TTC13: variants seen among roughly 807,000 people sequenced by gnomAD.
The protein encoded by TTC13 is tetratricopeptide repeat domain 13.
A neutral mutation model predicts 120.0 loss-of-function variants in TTC13; 62 were observed. That is an observed-to-expected ratio of 0.52 (90% CI 0.42 to 0.64). The LOEUF (loss-of-function observed/expected upper bound fraction) is 0.64, where lower values mean the gene tolerates loss of function less well. Ranked by LOEUF, TTC13 falls within the 30% of genes least tolerant of loss-of-function variation. The probability of loss-of-function intolerance (pLI) is 0.00; values close to 1 mark genes in which losing one functional copy is unlikely to be tolerated. For missense variants in TTC13, 824 were observed against 1,050.2 expected (o/e 0.78, Z 2.98); for synonymous variants, 384 against 393.5 (o/e 0.98, Z 0.28).
chr1:230,977,090 T>C (rs1346973943), intron 1 of TTC13, among the ~76,000 whole-genome samples: 1 of 152,226 alleles, frequency 6.6e-6, no homozygotes, highest in African/African-American at 2.4e-5. Context: ...CTTTGGCAGC[T>C]GTGGGATCTC....
intron 1 of TTC13, among the ~76,000 whole-genome samples, chr1:230,970,576 G>A (rs1677633870): frequency 6.6e-6 from 1 of 152,224 alleles, no homozygotes; most frequent in African/African-American, 2.4e-5. Flanking sequence ...CTGCGGGCAG[G>A]CCAGTAGCTG....
At chr1:230,975,981 G>A (rs1049294633) in intron 1 of TTC13, among the ~76,000 whole-genome samples, 9 of 152,200 alleles carry the variant, frequency 5.9e-5, no homozygotes, top group Non-Finnish European at 1.3e-4. Flanking sequence ...CTGTCTCAAG[G>A]GAATACATAT....
intron 1 of TTC13, among the ~76,000 whole-genome samples, chr1:230,970,934 G>A (rs1677670043): frequency 6.6e-6 from 1 of 152,180 alleles, no homozygotes; most frequent in African/African-American, 2.4e-5. Context: ...CAGGTATAGG[G>A]TAAACCTGCG....
At position 230,958,284 on chromosome 1, in the gene TTC13, T is replaced by G; in HGVS notation, c.382A>C (p.Ile128Leu). 1 of 1,603,312 alleles carries G rather than the reference T, an allele frequency of 6.2e-7. No individual in the cohort carries two copies. Among genetic ancestry groups the G allele is most frequent in the Non-Finnish European group, 8.5e-7 (1 of 1,177,552 alleles). The change falls in exon 3 of 23, where the codon ATT (isoleucine) becomes CTT (leucine). Residue 128 changes from isoleucine (I) to leucine (L), a missense_variant. Around this residue, in one of 4 missense-constraint regions of TTC13, gnomAD observed 430 missense variants for 626.8 expected, o/e 0.69. Transcript: ENST00000366661. ...AACGGGAATCTCTTCTGTTCTGCAA[T>G]AGACTTGGCCTGGCTCTGGGAAAAA... ...TEKILSQAKS[I>L]AEQKRFPFAT...
intron 16 of TTC13, 29 bp downstream of exon 16, chr1:230,921,392 T>A (rs755719164): frequency 8.1e-6 from 10 of 1,236,634 alleles, no homozygotes; most frequent in Non-Finnish European, 1.2e-5. Flanking sequence ...ATCAACTCAT[T>A]ACTAAGAAGG....
intron 5 of TTC13, 45 bp downstream of exon 5, chr1:230,945,344 C>G (rs1674885584): frequency 1.3e-6 from 2 of 1,548,962 alleles, no homozygotes; most frequent in Non-Finnish European, 1.8e-6. Context: ...TGGTCTGTGT[C>G]AGGTCATGTA....
chr1:230,919,552 A>G (rs1039189219), intron 17 of TTC13, among the ~76,000 whole-genome samples: 1 of 152,256 alleles, frequency 6.6e-6, no homozygotes, highest in Non-Finnish European at 1.5e-5. Context: ...TTACTTCTCT[A>G]GTAATTAAAG....
intron 4 of TTC13, among the ~76,000 whole-genome samples, chr1:230,947,106 A>G (rs1675073594): frequency 1.3e-5 from 2 of 152,144 alleles, no homozygotes; most frequent in Admixed American, 1.3e-4. Context: ...AGAAAAAAGT[A>G]TGTTTTAAGT....
chr1:230,907,491 T>C (rs1331042781), intron 22 of TTC13, among the ~76,000 whole-genome samples: 1 of 152,262 alleles, frequency 6.6e-6, no homozygotes, highest in Non-Finnish European at 1.5e-5. Context: ...AAGGTAGCAT[T>C]GTTATTCTTT....
At chr1:230,909,169 T>C (rs1671240109) in intron 20 of TTC13, 149 bp from the exon 21 acceptor site, 1 of 675,082 alleles carries the variant, frequency 1.5e-6, no homozygotes, top group Non-Finnish European at 2.5e-6. Context: ...AACATGAAAA[T>C]ATGCCTATTT....
intron 17 of TTC13, among the ~76,000 whole-genome samples, chr1:230,918,582 C>T (rs1054436274): frequency 2.0e-5 from 3 of 152,186 alleles, no homozygotes; most frequent in Admixed American, 6.5e-5. Flanking sequence ...GGCATCTGAA[C>T]ATGTTTACTG....
chr1:230,947,838 T>C (rs550051290), intron 4 of TTC13, among the ~76,000 whole-genome samples: 17 of 152,324 alleles, frequency 1.1e-4, no homozygotes, highest in South Asian at 2.1e-4. Flanking sequence ...CAAATACAAC[T>C]GGCATCCCCG....
At chr1:230,936,830 G>C (rs1459829725) in intron 8 of TTC13, among the ~76,000 whole-genome samples, 1 of 152,170 alleles carries the variant, frequency 6.6e-6, no homozygotes, top group African/African-American at 2.4e-5. Flanking sequence ...GAAAAACCTA[G>C]ACAAAGTTCA....
At chr1:230,937,006 G>A (rs780292548) in intron 8 of TTC13, among the ~76,000 whole-genome samples, 11 of 152,188 alleles carry the variant, frequency 7.2e-5, no homozygotes, top group African/African-American at 2.2e-4. Context: ...CAAAGCAAGA[G>A]TTCCCATCTA....
intron 1 of TTC13, among the ~76,000 whole-genome samples, chr1:230,977,854 G>C (rs1396330763): frequency 1.3e-5 from 2 of 152,154 alleles, no homozygotes; most frequent in Non-Finnish European, 2.9e-5. Context: ...AGCCAATAGC[G>C]CCCATTCTTA....
intron 12 of TTC13, among the ~76,000 whole-genome samples, chr1:230,927,113 A>T (rs1673118720): frequency 6.6e-6 from 1 of 152,202 alleles, no homozygotes; most frequent in African/African-American, 2.4e-5. Context: ...GTGTGACTGT[A>T]TCACATTTAT....
intron 1 of TTC13, among the ~76,000 whole-genome samples, chr1:230,977,581 T>C (rs1678449248): frequency 6.7e-6 from 1 of 149,670 alleles, no homozygotes; most frequent in Admixed American, 6.7e-5. Flanking sequence ...ACGTCTCATC[T>C]CAACTAAAAA....
At chr1:230,919,442 T>C (rs1435265114) in intron 17 of TTC13, among the ~76,000 whole-genome samples, 1 of 152,164 alleles carries the variant, frequency 6.6e-6, no homozygotes, top group Non-Finnish European at 1.5e-5. Flanking sequence ...GGCTCTGCCA[T>C]TAAACACTTC....
At position 230,974,417 on chromosome 1, in the gene TTC13, C is replaced by T. The variant is rs114019892; in HGVS notation, c.271+4143G>A. 9.7e-3 allele frequency among the ~76,000 whole-genome samples: 1,476 copies of T among 152,284 alleles called. 20 individuals carry two copies. The highest frequency in any genetic ancestry group is 0.032 in the African/African-American group (1,349 of 41,550). ...TATGTGTGAGAATGGTCCCATCAGA[C>T]GGTAATACCACATTTTCACTGTACA... On this transcript the variant is annotated intron_variant, in intron 1 of 22. Transcript: ENST00000366661.
Sources: gnomAD v4.1 joint callset for allele counts (sites outside exome capture counted in the v4.1 genomes callset) on GRCh38, gnomAD v4.1.1 for gene constraint, gnomAD v4.1.1 regional missense constraint, MANE v1.5 for transcripts, NCBI Gene and HGNC (gene_info 2026-07-23, HGNC 2026-07-21) for gene names.